Variants in TACR1 observed in about 807,000 individuals in gnomAD.
The protein encoded by TACR1 is tachykinin receptor 1, also known as substance-P receptor.
A neutral mutation model predicts 35.8 loss-of-function variants in TACR1; 25 were observed. That is an observed-to-expected ratio of 0.70 (90% CI 0.51 to 0.98). The LOEUF is 0.98. Among genes scored for constraint, TACR1 ranks in the 50% least tolerant of loss-of-function variants. The pLI, the probability that TACR1 is intolerant of heterozygous loss-of-function variation, is 0.00. For missense variants in TACR1, 478 were observed against 522.9 expected, an observed-to-expected ratio of 0.91 and a Z score of 0.84; for synonymous variants, 195 against 206.7, an observed-to-expected ratio of 0.94 and a Z score of 0.48.
At position 75,099,866 on chromosome 2, in the gene TACR1, A is replaced by T. The variant is rs576744512; in HGVS notation, c.584+20708T>A. On this transcript the variant is annotated intron_variant, in intron 2 of 4. Coordinates refer to ENST00000305249, the MANE Select transcript of TACR1 (RefSeq NM_001058.4). ...TTGTAAATCCATCTATGAGCTTATG[A>T]CTCACGTTTTTATATCCATACCTCA... Among the ~76,000 whole-genome samples the T allele has an allele frequency of 2.5e-4, 38 of 152,170 alleles. 1 individual carries two copies. The highest frequency in any genetic ancestry group is 7.7e-4 in the African/African-American group (32 of 41,522).
At chr2:75,158,069 G>A (rs1217865111) in intron 1 of TACR1, among the ~76,000 whole-genome samples, 3 of 152,188 alleles carry the variant, frequency 2.0e-5, no homozygotes, top group Non-Finnish European at 4.4e-5. Flanking sequence ...GCTGTGTGAA[G>A]AATGCATCAA....
At chr2:75,053,789 T>C (rs1293590074) in intron 2 of TACR1, 34 bp from the exon 3 acceptor site, 2 of 1,613,640 alleles carry the variant, frequency 1.2e-6, no homozygotes, top group Non-Finnish European at 8.5e-7. Context: ...GTCAGTATGA[T>C]ATACTTATTA....
intron 1 of TACR1, among the ~76,000 whole-genome samples, chr2:75,185,569 A>G (rs1675672550): frequency 6.6e-6 from 1 of 152,198 alleles, no homozygotes; most frequent in Non-Finnish European, 1.5e-5. Context: ...TAATTCACAA[A>G]TACAAAGGAA....
rs17010664 is a variant in TACR1, at chr2:75,049,163, T to C, written c.*269A>G. On this transcript the variant is annotated 3_prime_UTR_variant, in exon 5 of 5. Transcript: ENST00000305249. ...ACTTCCAGAATGGAATGAATGGGCTTTTGGGAAAAGCTGGTCCGACCTTTT... is the reference window on the plus strand; with the variant it reads ...ACTTCCAGAATGGAATGAATGGGCTCTTGGGAAAAGCTGGTCCGACCTTTT... The C allele has an allele frequency of 0.13, 54,585 of 436,248 alleles. 4,170 individuals carry two copies. Among genetic ancestry groups the C allele is most frequent in the Admixed American group, 0.19 (4,874 of 25,588 alleles). The allele number at this position is 436,248 out of a possible 1,614,324, so 27.0% of individuals were successfully genotyped here.
At chr2:75,162,546 A>C (rs1294620634) in intron 1 of TACR1, among the ~76,000 whole-genome samples, 4 of 152,252 alleles carry the variant, frequency 2.6e-5, no homozygotes, top group Non-Finnish European at 4.4e-5. Flanking sequence ...GAGAAGCTCC[A>C]GCTAGAAGTG....
intron 1 of TACR1, among the ~76,000 whole-genome samples, chr2:75,136,991 A>G (rs1036581048): frequency 6.6e-6 from 1 of 152,172 alleles, no homozygotes; most frequent in Non-Finnish European, 1.5e-5. Flanking sequence ...TCTAATTATC[A>G]GTTTGTGTGG....
intron 1 of TACR1, among the ~76,000 whole-genome samples, chr2:75,130,389 C>T (rs1365598444): frequency 6.6e-6 from 1 of 152,170 alleles, no homozygotes; most frequent in Non-Finnish European, 1.5e-5. Context: ...GTGGCAGGCT[C>T]AGCAGGAAGC....
intron 1 of TACR1, among the ~76,000 whole-genome samples, chr2:75,151,630 G>A (rs1558570777): frequency 6.6e-6 from 1 of 152,230 alleles, no homozygotes; most frequent in Admixed American, 6.5e-5. Flanking sequence ...AACTCTGCTA[G>A]GGCAGTGTGG....
At chr2:75,051,537 A>G in intron 3 of TACR1, 90 bp from the exon 4 acceptor site, 3 of 1,562,448 alleles carry the variant, frequency 1.9e-6, no homozygotes, top group Non-Finnish European at 2.6e-6. Context: ...CACTGTGCAC[A>G]GTATGGGATG....
chr2:75,123,519 A>G (rs1156558262), intron 1 of TACR1, among the ~76,000 whole-genome samples: 2 of 152,202 alleles, frequency 1.3e-5, no homozygotes, highest in Non-Finnish European at 2.9e-5. Flanking sequence ...AAAAATTGCA[A>G]TTTGGGAACG....
chr2:75,138,456 G>A (rs896220526), intron 1 of TACR1, among the ~76,000 whole-genome samples: 5 of 152,156 alleles, frequency 3.3e-5, no homozygotes, highest in African/African-American at 1.2e-4. Context: ...GGTTACTCAA[G>A]TATTATAGAA....
At chr2:75,197,721 G>A (rs1342318483) in intron 1 of TACR1, among the ~76,000 whole-genome samples, 3 of 152,162 alleles carry the variant, frequency 2.0e-5, no homozygotes, top group South Asian at 2.1e-4. Flanking sequence ...TGCCGGAACA[G>A]AAGAGCTCTC....
intron 2 of TACR1, among the ~76,000 whole-genome samples, chr2:75,058,765 C>G (rs1236019977): frequency 2.0e-5 from 3 of 152,254 alleles, no homozygotes; most frequent in Non-Finnish European, 4.4e-5. Flanking sequence ...CATGTAGCCT[C>G]AAATCCTGCA....
At position 75,053,674 on chromosome 2, in the gene TACR1, T is replaced by C. The variant is rs752774452; in HGVS notation, c.666A>G (p.Thr222=). 1.2e-6 allele frequency: 2 copies of C among 1,611,938 alleles called. No individual in the cohort carries two copies. Among genetic ancestry groups the C allele is most frequent in the East Asian group, 4.5e-5 (2 of 44,852 alleles). ...CCCCGGGGATCTCACTGGCCCATAG[T>C]GTGATTCCCACTACGGTGTATGCAT... The part of the protein sequence containing the change: ...IGYAYTVVGI[T]LWASEIPGDS... The change falls in exon 3 of 5, where the codon ACA becomes ACG. Residue 222 remains threonine (T), a synonymous_variant. Coordinates refer to ENST00000305249, the MANE Select transcript of TACR1 (RefSeq NM_001058.4).
intron 1 of TACR1, among the ~76,000 whole-genome samples, chr2:75,143,426 ACAT>A (rs1674448143): frequency 1.3e-5 from 2 of 152,176 alleles, no homozygotes; most frequent in South Asian, 2.1e-4. Context: ...AAAAAAGAAA[ACAT>A]CAGGGAAGGA....
At chr2:75,197,970 AAAAC>A (rs763637749) in intron 1 of TACR1, among the ~76,000 whole-genome samples, 120 of 152,312 alleles carry the variant, frequency 7.9e-4, no homozygotes, top group South Asian at 4.8e-3. Context: ...TTTCACATCC[AAAAC>A]AAACAAACAA....
chr2:75,145,467 C>G (rs539485539), intron 1 of TACR1, among the ~76,000 whole-genome samples: 15 of 152,198 alleles, frequency 9.9e-5, no homozygotes, highest in African/African-American at 3.4e-4. Context: ...GATAGCTTAT[C>G]TAAAAAACCA....
chr2:75,135,473 C>T (rs1003343403), intron 1 of TACR1, among the ~76,000 whole-genome samples: 3 of 152,182 alleles, frequency 2.0e-5, no homozygotes, highest in African/African-American at 7.2e-5. Context: ...CCAGGGTACC[C>T]AGGACACCTG....
At chr2:75,122,137 C>CAGT (rs1673982614) in intron 1 of TACR1, among the ~76,000 whole-genome samples, 1 of 152,126 alleles carries the variant, frequency 6.6e-6, no homozygotes, top group Non-Finnish European at 1.5e-5. Context: ...CAAAACACAG[C>CAGT]AGTAGGATAA....
Sources: gnomAD v4.1 joint callset for allele counts (sites outside exome capture counted in the v4.1 genomes callset) on GRCh38, gnomAD v4.1.1 for gene constraint, MANE v1.5 for transcripts, NCBI Gene and HGNC (gene_info 2026-07-23, HGNC 2026-07-21) for gene names.